CCSER2: variants seen among roughly 807,000 people sequenced by gnomAD.
The protein encoded by CCSER2 is serine-rich coiled-coil domain-containing protein 2.
A neutral mutation model predicts 92.3 loss-of-function variants in CCSER2; 46 were observed. The observed-to-expected ratio is 0.50, with a 90% CI of 0.39 to 0.64. CCSER2 has a LOEUF of 0.64. Among genes scored for constraint, CCSER2 ranks in the 30% least tolerant of loss-of-function variants. CCSER2 has a pLI of 0.00. For synonymous variants in CCSER2, 433 were observed against 431.4 expected (o/e 1.00, Z -0.04); for missense variants, 1,244 against 1,238.9 (o/e 1.00, Z -0.06).
chr10:84,341,647 C>T (rs950180660), intron 1 of CCSER2, among the ~76,000 whole-genome samples: 1 of 152,084 alleles, frequency 6.6e-6, no homozygotes. Flanking sequence ...AGGATAAGGT[C>T]TCAGTCCCAC....
chr10:84,417,920 CA>C, intron 4 of CCSER2, 59 bp downstream of exon 4: 1 of 839,852 alleles, frequency 1.2e-6, no homozygotes, highest in Non-Finnish European at 2.1e-6. Context: ...CGACTGTAGC[CA>C]ATTTGATATT....
intron 9 of CCSER2, among the ~76,000 whole-genome samples, chr10:84,482,610 T>C (rs1847522012): frequency 6.6e-6 from 1 of 152,268 alleles, no homozygotes. Context: ...TCTTATGATA[T>C]GTACCTTTTG....
chr10:84,442,766 A>G (rs991741643), intron 6 of CCSER2, among the ~76,000 whole-genome samples: 14 of 152,244 alleles, frequency 9.2e-5, no homozygotes, highest in African/African-American at 3.4e-4. Flanking sequence ...TAACCAAAAC[A>G]GCATGGTGCT....
At position 84,514,176 on chromosome 10, in the gene CCSER2, A is replaced by G. The variant is rs1415943900; in HGVS notation, c.3053A>G (p.Glu1018Gly). ...CCAAGGCCACTAACACAACGAAAAG[A>G]AATCATGCAGAATCCAAATGGCAAT... Reference protein sequence around the residue: ...SIPRPLTQRKEIMQNPNGNLH... With the variant: ...SIPRPLTQRKGIMQNPNGNLH... Residue 1018 changes from glutamate to glycine, a missense_variant, in exon 10 of 10, where the codon GAA becomes GGA. Transcript: ENST00000372088. 5 of 1,536,336 alleles carry G rather than the reference A, an allele frequency of 3.3e-6. No individual in the cohort carries two copies.
intron 6 of CCSER2, among the ~76,000 whole-genome samples, chr10:84,451,664 G>C (rs1477278312): frequency 5.3e-5 from 8 of 152,148 alleles, no homozygotes; most frequent in African/African-American, 1.9e-4. Flanking sequence ...AGACGTAACA[G>C]ATATGTAAAT....
intron 9 of CCSER2, among the ~76,000 whole-genome samples, chr10:84,497,413 C>T (rs1003433261): frequency 3.9e-5 from 6 of 152,260 alleles, no homozygotes; most frequent in East Asian, 3.9e-4. Context: ...TGGCAGGCAG[C>T]GCTGTTTATG....
chr10:84,334,730 G>C (rs956704891), intron 1 of CCSER2, among the ~76,000 whole-genome samples: 1 of 152,100 alleles, frequency 6.6e-6, no homozygotes, highest in Non-Finnish European at 1.5e-5. Context: ...TAAGACAGGG[G>C]CTTGTTTTAA....
chr10:84,342,460 C>T (rs1372946845), intron 1 of CCSER2, among the ~76,000 whole-genome samples: 1 of 152,132 alleles, frequency 6.6e-6, no homozygotes, highest in African/African-American at 2.4e-5. Context: ...TCCTCATGTA[C>T]CCTGTCATGT....
chr10:84,427,412 A>G (rs545255600), intron 5 of CCSER2, among the ~76,000 whole-genome samples: 23 of 152,246 alleles, frequency 1.5e-4, no homozygotes, highest in African/African-American at 5.5e-4. Flanking sequence ...TAAAACTATT[A>G]ATTTCTCTCT....
intron 1 of CCSER2, among the ~76,000 whole-genome samples, chr10:84,352,295 T>C (rs926321265): frequency 6.9e-6 from 1 of 144,130 alleles, no homozygotes; most frequent in African/African-American, 2.5e-5. Context: ...AGAGGAAGAC[T>C]CTGTCTCAAA....
At chr10:84,485,164 C>A (rs1297671576) in intron 9 of CCSER2, among the ~76,000 whole-genome samples, 1 of 152,172 alleles carries the variant, frequency 6.6e-6, no homozygotes, top group Non-Finnish European at 1.5e-5. Context: ...ACATTAGTTA[C>A]ATTTTACATA....
chr10:84,463,014 G>A (rs1220219116), intron 6 of CCSER2, among the ~76,000 whole-genome samples: 1 of 152,190 alleles, frequency 6.6e-6, no homozygotes, highest in African/African-American at 2.4e-5. Flanking sequence ...GCCTTAGTCA[G>A]GGGCTCAGTC....
chr10:84,482,578 G>A (rs1847519549), intron 9 of CCSER2, among the ~76,000 whole-genome samples: 2 of 152,068 alleles, frequency 1.3e-5, no homozygotes, highest in African/African-American at 4.8e-5. Context: ...TGAATATTCT[G>A]CACGTTAAGT....
At chr10:84,367,356 T>C (rs1016612704) in intron 1 of CCSER2, among the ~76,000 whole-genome samples, 3 of 151,808 alleles carry the variant, frequency 2.0e-5, no homozygotes, top group African/African-American at 7.3e-5. Flanking sequence ...TAATTCAATA[T>C]CTTTGTCTTT....
intron 3 of CCSER2, among the ~76,000 whole-genome samples, chr10:84,386,928 C>A (rs944551787): frequency 1.3e-5 from 2 of 152,048 alleles, no homozygotes; most frequent in Non-Finnish European, 2.9e-5. Flanking sequence ...ATACTGGGGA[C>A]TTCAGAAGTG....
chr10:84,367,671 C>T (rs1291224881), intron 1 of CCSER2, among the ~76,000 whole-genome samples: 1 of 151,260 alleles, frequency 6.6e-6, no homozygotes, highest in East Asian at 1.9e-4. Context: ...GATTTTTCTC[C>T]TTGCCATTTG....
At chr10:84,434,709 G>A (rs1042016550) in intron 5 of CCSER2, among the ~76,000 whole-genome samples, 19 of 152,120 alleles carry the variant, frequency 1.2e-4, no homozygotes, top group Admixed American at 1.2e-3. Context: ...TATATATTAT[G>A]TATTAGTCCA....
At chr10:84,450,974 C>A (rs1845246964) in intron 6 of CCSER2, among the ~76,000 whole-genome samples, 2 of 152,084 alleles carry the variant, frequency 1.3e-5, no homozygotes, top group African/African-American at 4.8e-5. Flanking sequence ...CAGTTTTTCT[C>A]AGTACGATTT....
intron 6 of CCSER2, among the ~76,000 whole-genome samples, chr10:84,444,336 A>T (rs1844776517): frequency 6.6e-6 from 1 of 152,158 alleles, no homozygotes; most frequent in Non-Finnish European, 1.5e-5. Context: ...TAGAAAATGA[A>T]TAGCAGAGGG....
Sources: gnomAD v4.1 joint callset for allele counts (sites outside exome capture counted in the v4.1 genomes callset) on GRCh38, gnomAD v4.1.1 for gene constraint, MANE v1.5 for transcripts, NCBI Gene and HGNC (gene_info 2026-07-23, HGNC 2026-07-21) for gene names.